Variants in GLRX observed in about 807,000 individuals in gnomAD.
GLRX encodes glutaredoxin.
GLRX carries 9 observed loss-of-function variants against 11.1 expected under a neutral mutation model. The observed-to-expected ratio is 0.81, with a 90% confidence interval of 0.49 to 1.42. The LOEUF is 1.42. Among genes scored for constraint, GLRX ranks in the 40% most tolerant of loss-of-function variants. The pLI is 0.00. For missense variants in GLRX, 102 were observed against 126.2 expected (o/e 0.81, Z 0.92); for synonymous variants, 49 against 49.5 (o/e 0.99, Z 0.04).
At chr5:95,816,332 G>T in intron 2 of GLRX, 175 bp downstream of exon 2, 3 of 535,110 alleles carry the variant, frequency 5.6e-6, no homozygotes, top group Non-Finnish European at 6.7e-6. Flanking sequence ...TTCTCTCATT[G>T]ACACGATCTC....
Position 95,822,602 on chromosome 5 carries a change from G to T in GLRX, c.61C>A (p.Pro21Thr). ...QPGKVVVFIKPTCPYCRRAQE... is the reference protein window; with the variant it reads ...QPGKVVVFIKTTCPYCRRAQE... ...GCCCTCCTGCAGTACGGGCAGGTGG[G>T]CTTGATGAACACAACCACCTTCCCA... Residue 21 changes from proline to threonine, a missense_variant, in exon 1 of 3, where the codon CCC becomes ACC. Transcript: ENST00000237858. 1 of 1,613,888 alleles carries T rather than the reference G, an allele frequency of 6.2e-7. No homozygotes were observed. Among genetic ancestry groups the T allele is most frequent in the Non-Finnish European group, 8.5e-7 (1 of 1,179,824 alleles).
At chr5:95,820,197 TA>T (rs927188537) in intron 1 of GLRX, among the ~76,000 whole-genome samples, 20 of 150,112 alleles carry the variant, frequency 1.3e-4, no homozygotes, top group Non-Finnish European at 3.0e-4. Context: ...TACAAAAACT[TA>T]AAAAATTAGC....
intron 1 of GLRX, among the ~76,000 whole-genome samples, chr5:95,820,077 T>C (rs560541633): frequency 2.0e-5 from 3 of 152,050 alleles, no homozygotes; most frequent in Non-Finnish European, 4.4e-5. Context: ...ACAGGCTTGT[T>C]GAGGTGGATC....
At chr5:95,817,454 G>C (rs898218952) in intron 1 of GLRX, 4 of 152,276 alleles carry the variant, frequency 2.6e-5, no homozygotes, top group African/African-American at 9.7e-5. Context: ...CCTCAACCAG[G>C]GGGGTGTAGT....
intron 1 of GLRX, among the ~76,000 whole-genome samples, chr5:95,819,690 G>A (rs577231905): frequency 6.6e-6 from 1 of 151,638 alleles, no homozygotes; most frequent in Non-Finnish European, 1.5e-5. Context: ...ACGAGGTCAG[G>A]AGATTGAGAC....
chr5:95,821,858 A>C (rs1450651539), intron 1 of GLRX, among the ~76,000 whole-genome samples: 1 of 152,158 alleles, frequency 6.6e-6, no homozygotes, highest in African/African-American at 2.4e-5. Flanking sequence ...AGGATCACAC[A>C]GCCAGCCATT....
At chr5:95,816,245 T>C (rs1394053565) in intron 2 of GLRX, among the ~76,000 whole-genome samples, 1 of 152,240 alleles carries the variant, frequency 6.6e-6, no homozygotes, top group Non-Finnish European at 1.5e-5. Context: ...AGGTTATCAT[T>C]TTATGCATCA....
chr5:95,819,913 A>AAC (rs1561467683), intron 1 of GLRX, among the ~76,000 whole-genome samples: 7 of 150,804 alleles, frequency 4.6e-5, no homozygotes, highest in African/African-American at 1.7e-4. Flanking sequence ...AAAAAAAAAA[A>AAC]AAAAAAAAAC....
intron 1 of GLRX, among the ~76,000 whole-genome samples, chr5:95,821,708 A>AAG (rs1421851049): frequency 6.6e-6 from 1 of 152,166 alleles, no homozygotes; most frequent in Non-Finnish European, 1.5e-5. Flanking sequence ...AAGGATGCTG[A>AAG]AGAGAGGGAA....
In GLRX at chr5:95,814,119, C is replaced by G. The variant is rs749318068; in HGVS notation, c.*277G>C. Reference sequence around the variant, plus strand: ...TTTTCAAAGTGTAGGAGCTCTTTCACAGATACACTCTTGGTGTAGGGGGCT... The same window carrying G: ...TTTTCAAAGTGTAGGAGCTCTTTCAGAGATACACTCTTGGTGTAGGGGGCT... On this transcript the variant is annotated 3_prime_UTR_variant, in exon 3 of 3. Coordinates refer to ENST00000237858, the MANE Select transcript of GLRX (RefSeq NM_001118890.2). 6.6e-6 allele frequency: 1 copy of G among 152,364 alleles called. No individual in the cohort carries two copies. Among genetic ancestry groups the G allele is most frequent in the Non-Finnish European group, 1.5e-5 (1 of 68,026 alleles). 9.4% of individuals were successfully genotyped at this position (152,364 alleles called of 1,614,324 possible).
intron 1 of GLRX, among the ~76,000 whole-genome samples, chr5:95,820,478 G>T (rs980322818): frequency 1.3e-5 from 2 of 151,936 alleles, no homozygotes; most frequent in Non-Finnish European, 2.9e-5. Flanking sequence ...GGAGGCTGAG[G>T]TGGGTGGATC....
Position 95,822,663 on chromosome 5 carries a change from G to A in GLRX, c.-1C>T, listed in dbSNP as rs1436383013. The A allele has an allele frequency of 5.6e-6, 9 of 1,613,282 alleles. No individual in the cohort carries two copies. Among genetic ancestry groups the A allele is most frequent in the Non-Finnish European group, 7.6e-6 (9 of 1,179,384 alleles). ...TGCAGTTCACAAACTCTTGAGCCAT[G>A]CCGATGGGCTGCGGTCTCCCCGGGA... On this transcript the variant is annotated 5_prime_UTR_variant, in exon 1 of 3. Coordinates refer to ENST00000237858, the MANE Select transcript of GLRX (RefSeq NM_001118890.2).
intron 1 of GLRX, chr5:95,817,830 T>C (rs1331697628): frequency 6.6e-6 from 1 of 152,080 alleles, no homozygotes; most frequent in African/African-American, 2.4e-5. Flanking sequence ...CAGAAAGCAA[T>C]GAGACTATTT....
At chr5:95,816,709 G>T in intron 1 of GLRX, 83 bp from the exon 2 acceptor site, 1 of 782,384 alleles carries the variant, frequency 1.3e-6, no homozygotes, top group Non-Finnish European at 2.3e-6. Context: ...TATTTCCCGT[G>T]ATTCCAAACT....
intron 1 of GLRX, among the ~76,000 whole-genome samples, chr5:95,821,761 T>C (rs1330786596): frequency 6.6e-6 from 1 of 152,076 alleles, no homozygotes; most frequent in African/African-American, 2.4e-5. Flanking sequence ...GGTCCCACAG[T>C]CTATTCGTAG....
At chr5:95,821,482 A>G (rs1747235573) in intron 1 of GLRX, among the ~76,000 whole-genome samples, 1 of 151,966 alleles carries the variant, frequency 6.6e-6, no homozygotes, top group Non-Finnish European at 1.5e-5. Context: ...GAGAGAAACA[A>G]CCTCCAATGC....
intron 2 of GLRX, among the ~76,000 whole-genome samples, chr5:95,815,353 G>A (rs141371469): frequency 1.8e-4 from 28 of 152,276 alleles, no homozygotes; most frequent in Non-Finnish European, 2.6e-4. Flanking sequence ...TGATGATATC[G>A]TAGAATTCTG....
At chr5:95,816,780 T>C (rs1273921446) in intron 1 of GLRX, 154 bp from the exon 2 acceptor site, 2 of 570,208 alleles carry the variant, frequency 3.5e-6, no homozygotes, top group Non-Finnish European at 6.3e-6. Context: ...TCCTTTCTGT[T>C]ATAAGGGGTA....
chr5:95,813,932 T>C lies in GLRX; in HGVS notation c.*464A>G, dbSNP rs1431180883. On this transcript the variant is annotated 3_prime_UTR_variant, in exon 3 of 3. Transcript: ENST00000237858. ...GTTAGTGTATTTCGCATAACATTCC[T>C]TAATGTCTTGAGAACATGCAAATGA... 1.3e-5 allele frequency: 2 copies of C among 152,262 alleles called. No individual in the cohort carries two copies. Among genetic ancestry groups the C allele is most frequent in the African/African-American group, 4.8e-5 (2 of 41,474 alleles). 9.4% of individuals were successfully genotyped at this position (152,262 alleles called of 1,614,324 possible).
Sources: gnomAD v4.1 joint callset for allele counts (sites outside exome capture counted in the v4.1 genomes callset) on GRCh38, gnomAD v4.1.1 for gene constraint, MANE v1.5 for transcripts, NCBI Gene and HGNC (gene_info 2026-07-23, HGNC 2026-07-21) for gene names.